The following TMX3 variants were observed in gnomAD, a reference collection of about 807,000 sequenced individuals.
TMX3 encodes protein disulfide-isomerase TMX3.
A neutral mutation model predicts 64.4 loss-of-function variants in TMX3; 40 were observed. The observed-to-expected ratio is 0.62, with a 90% CI of 0.48 to 0.81. TMX3 has a LOEUF of 0.81. Ranked by LOEUF, TMX3 falls within the 30% of genes least tolerant of loss-of-function variation. TMX3 has a pLI of 0.00. For synonymous variants in TMX3, 189 were observed against 175.7 expected (o/e 1.08, Z -0.60); for missense variants, 497 against 534.5 (o/e 0.93, Z 0.69).
chr18:68,698,751 T>A (rs1915361782), intron 6 of TMX3, among the ~76,000 whole-genome samples: 1 of 152,024 alleles, frequency 6.6e-6, no homozygotes, highest in Non-Finnish European at 1.5e-5. Context: ...GGGCGGTGGC[T>A]CATGCCTGTA....
At chr18:68,687,379 C>T (rs191277565) in intron 10 of TMX3, 1 of 985,264 alleles carries the variant, frequency 1.0e-6, no homozygotes, top group African/African-American at 1.7e-5. Context: ...GTTCTGAGTA[C>T]AGCTTCTTAG....
At chr18:68,700,143 A>C (rs1297456626) in intron 6 of TMX3, among the ~76,000 whole-genome samples, 1 of 152,118 alleles carries the variant, frequency 6.6e-6, no homozygotes, top group Non-Finnish European at 1.5e-5. Flanking sequence ...AAATGTATTA[A>C]AAAATCTCTG....
rs1248871396 is a variant in TMX3, at chr18:68,701,802, AAAG to A, written c.266-15_266-13del. ...CTCTGAAGCAATGCCTTGATAAGAAAAAGAATAAAGCATTCTAAATTTTTTTTA... is the reference window on the plus strand; with the variant it reads ...CTCTGAAGCAATGCCTTGATAAGAAAAATAAAGCATTCTAAATTTTTTTTA... On this transcript the variant is annotated splice_polypyrimidine_tract_variant and intron_variant, in intron 4 of 15. Coordinates refer to ENST00000299608, the MANE Select transcript of TMX3 (RefSeq NM_019022.5). 6.2e-7 allele frequency: 1 copy of A among 1,608,790 alleles called. No homozygotes were observed. Among genetic ancestry groups the A allele is most frequent in the Non-Finnish European group, 8.5e-7 (1 of 1,178,112 alleles).
At chr18:68,714,600 G>A (rs565913449) in intron 1 of TMX3, among the ~76,000 whole-genome samples, 1 of 152,078 alleles carries the variant, frequency 6.6e-6, no homozygotes, top group Non-Finnish European at 1.5e-5. Flanking sequence ...GGCAAGATTT[G>A]GTCGTTAAGC....
At chr18:68,709,454 T>C (rs1186047887) in intron 4 of TMX3, among the ~76,000 whole-genome samples, 2 of 152,160 alleles carry the variant, frequency 1.3e-5, no homozygotes, top group African/African-American at 2.4e-5. Context: ...CAAATAGCTA[T>C]GCTTCAATCT....
intron 9 of TMX3, chr18:68,688,431 G>C (rs1914179706): frequency 6.6e-6 from 1 of 152,022 alleles, no homozygotes; most frequent in South Asian, 2.1e-4. Context: ...TAATATCTAA[G>C]AGAAATATTA....
chr18:68,691,092 T>C (rs761144524), intron 9 of TMX3: 1 of 400,114 alleles, frequency 2.5e-6, no homozygotes, highest in Non-Finnish European at 4.5e-6. Flanking sequence ...AAAAGAATGT[T>C]GTGTAGGTAA....
chr18:68,710,174 A>C (rs2031133770), intron 3 of TMX3, 30 bp from the exon 4 acceptor site: 1 of 1,500,444 alleles, frequency 6.7e-7, no homozygotes, highest in Non-Finnish European at 8.9e-7. Flanking sequence ...CAACAAACAA[A>C]AAAAGATAAC....
intron 13 of TMX3, among the ~76,000 whole-genome samples, chr18:68,682,005 C>T (rs903193178): frequency 1.3e-5 from 2 of 152,166 alleles, no homozygotes; most frequent in South Asian, 2.1e-4. Context: ...TTGCCTCTTC[C>T]GGAAAATGTT....
At chr18:68,684,720 TAA>T (rs1029098314) in intron 10 of TMX3, among the ~76,000 whole-genome samples, 3 of 152,170 alleles carry the variant, frequency 2.0e-5, no homozygotes, top group Non-Finnish European at 4.4e-5. Context: ...AAAATATAAA[TAA>T]GAGTAAATAT....
intron 8 of TMX3, among the ~76,000 whole-genome samples, chr18:68,696,570 A>G (rs143784939): frequency 0.059 from 8,893 of 150,910 alleles, 568 homozygotes; most frequent in African/African-American, 0.16. Flanking sequence ...TCTGCCTCCC[A>G]GGTTCAAGTG....
intron 8 of TMX3, among the ~76,000 whole-genome samples, chr18:68,692,098 T>C (rs1409589186): frequency 2.6e-5 from 4 of 152,074 alleles, no homozygotes; most frequent in Non-Finnish European, 4.4e-5. Context: ...GAGAAAATAA[T>C]ACAGAATTAT....
rs946028631 is a variant in TMX3, at chr18:68,674,630, A to G, written c.*2303T>C. ...TTCACGGAATGAAACTAACATTCAT[A>G]GTAATCTCTGATATCACATTGAAGG... On this transcript the variant is annotated 3_prime_UTR_variant, in exon 16 of 16. Coordinates refer to ENST00000299608, the MANE Select transcript of TMX3 (RefSeq NM_019022.5). The G allele has an allele frequency of 6.6e-6, 1 of 152,166 alleles. No individual in the cohort carries two copies. The highest frequency in any genetic ancestry group is 6.5e-5 in the Admixed American group (1 of 15,270). The allele number at this position is 152,166 out of a possible 1,614,324, so 9.4% of individuals were successfully genotyped here. A position where few individuals can be genotyped will look rare whatever the true frequency, so the allele number is the denominator to read the frequency against.
chr18:68,691,068 A>G (rs1025601248), intron 9 of TMX3: 3 of 389,602 alleles, frequency 7.7e-6, no homozygotes, highest in Non-Finnish European at 1.4e-5. Flanking sequence ...CATATAATTT[A>G]ACAAACAACA....
At chr18:68,693,193 T>C (rs546007909) in intron 8 of TMX3, among the ~76,000 whole-genome samples, 4 of 152,324 alleles carry the variant, frequency 2.6e-5, no homozygotes, top group African/African-American at 7.2e-5. Flanking sequence ...ATCTTACTCA[T>C]GGCAGTGGCA....
intron 8 of TMX3, among the ~76,000 whole-genome samples, chr18:68,693,866 G>T (rs1038278812): frequency 6.6e-6 from 1 of 152,072 alleles, no homozygotes; most frequent in African/African-American, 2.4e-5. Flanking sequence ...TCAGCCAAGT[G>T]GATCGTGCCT....
At chr18:68,698,074 A>C in intron 6 of TMX3, 43 bp from the exon 7 acceptor site, 1 of 1,297,878 alleles carries the variant, frequency 7.7e-7, no homozygotes, top group Non-Finnish European at 1.1e-6. Flanking sequence ...ATTATAAACT[A>C]AAGTACATAA....
intron 10 of TMX3, among the ~76,000 whole-genome samples, chr18:68,685,302 C>T (rs139494771): frequency 8.5e-5 from 13 of 152,342 alleles, no homozygotes; most frequent in African/African-American, 3.1e-4. Context: ...CAGGTACATA[C>T]ATGTAGGATT....
chr18:68,687,900 T>C, intron 9 of TMX3, 135 bp from the exon 10 acceptor site: 1 of 536,284 alleles, frequency 1.9e-6, no homozygotes, highest in Non-Finnish European at 3.1e-6. Context: ...TAGGAATTTA[T>C]TGCAAGCATA....
Sources: gnomAD v4.1 joint callset for allele counts (sites outside exome capture counted in the v4.1 genomes callset) on GRCh38, gnomAD v4.1.1 for gene constraint, MANE v1.5 for transcripts, NCBI Gene and HGNC (gene_info 2026-07-23, HGNC 2026-07-21) for gene names.